The following SERTM1 variants were observed in gnomAD, a reference collection of about 807,000 sequenced individuals.
SERTM1 encodes the protein serine rich and transmembrane domain containing 1, also known as serine-rich and transmembrane domain-containing protein 1.
In SERTM1, 1 loss-of-function variant was observed where a neutral mutation model predicts 5.5. That is an observed-to-expected ratio of 0.18 (90% CI 0.06 to 0.86). The LOEUF is 0.86. Among genes scored for constraint, SERTM1 ranks in the 40% least tolerant of loss-of-function variants. The pLI is 0.69. For synonymous variants in SERTM1, 52 were observed against 55.1 expected (o/e 0.94, Z 0.25); for missense variants, 91 against 122.4 (o/e 0.74, Z 1.21).
chr13:36,677,215 AT>A (rs1192061499), intron 1 of SERTM1, among the ~76,000 whole-genome samples: 2 of 152,132 alleles, frequency 1.3e-5, no homozygotes, highest in Non-Finnish European at 2.9e-5. Context: ...AACTTTGGAA[AT>A]TTTTTTGGAA....
chr13:36,683,132 G>T (rs2056716767), intron 1 of SERTM1, among the ~76,000 whole-genome samples: 1 of 152,022 alleles, frequency 6.6e-6, no homozygotes, highest in Admixed American at 6.6e-5. Flanking sequence ...CCTCTCACCT[G>T]TTCCCATTTG....
chr13:36,679,828 G>A (rs562804300), intron 1 of SERTM1, among the ~76,000 whole-genome samples: 2 of 152,268 alleles, frequency 1.3e-5, no homozygotes, highest in South Asian at 2.1e-4. Context: ...TATAAATTCA[G>A]TCAGGAATTA....
intron 1 of SERTM1, among the ~76,000 whole-genome samples, chr13:36,676,954 G>T (rs921875042): frequency 5.3e-5 from 8 of 152,278 alleles, no homozygotes; most frequent in Admixed American, 3.3e-4. Context: ...AGATGAAGAT[G>T]CCCTTGGTAT....
intron 1 of SERTM1, among the ~76,000 whole-genome samples, chr13:36,680,134 G>T (rs2056694517): frequency 6.6e-6 from 1 of 152,076 alleles, no homozygotes; most frequent in Non-Finnish European, 1.5e-5. Context: ...AAGGGATAAG[G>T]GATACTCAAT....
rs1273025608 is a variant in SERTM1, at chr13:36,696,638, T to G, written c.*1236T>G. 6.0e-6 allele frequency: 1 copy of G among 166,812 alleles called. No homozygotes were observed. Among genetic ancestry groups the G allele is most frequent in the Admixed American group, 6.5e-5 (1 of 15,272 alleles). 10.3% of individuals were successfully genotyped at this position (166,812 alleles called of 1,614,324 possible). A position where few individuals can be genotyped will look rare whatever the true frequency, so the allele number is the denominator to read the frequency against. On this transcript the variant is annotated 3_prime_UTR_variant, in exon 2 of 2. Transcript: ENST00000315190. ...GGGTGGCAGGGGCTGTCTGTGAAAT[T>G]AGGCACACATGTGAGCTCAGACATG...
intron 1 of SERTM1, among the ~76,000 whole-genome samples, chr13:36,677,655 C>T (rs2056678642): frequency 6.6e-6 from 1 of 152,168 alleles, no homozygotes; most frequent in Admixed American, 6.5e-5. Context: ...AGTTAAAACA[C>T]TAATTAACTT....
chr13:36,676,622 A>G (rs931912332), intron 1 of SERTM1, among the ~76,000 whole-genome samples: 5 of 152,060 alleles, frequency 3.3e-5, no homozygotes, highest in Non-Finnish European at 5.9e-5. Context: ...GGCTCATGGT[A>G]CCCATAAGCC....
chr13:36,694,388 A>G (rs1448887442), intron 1 of SERTM1, among the ~76,000 whole-genome samples: 1 of 152,262 alleles, frequency 6.6e-6, no homozygotes, highest in Non-Finnish European at 1.5e-5. Flanking sequence ...TAGAAATGGC[A>G]CCTGATTTCA....
chr13:36,694,998 A>T lies in SERTM1; in HGVS notation c.-81A>T. On this transcript the variant is annotated 5_prime_UTR_variant, in exon 2 of 2. Coordinates refer to ENST00000315190, the MANE Select transcript of SERTM1 (RefSeq NM_203451.3). The stretch of plus-strand genomic sequence containing the variant: ...TGAATTCTGCAAACACGATCGTGAA[A>T]AAATGCCAATCTGTCCTGTGTAAGC... 1 of 1,026,324 alleles carries T rather than the reference A, an allele frequency of 9.7e-7. No individual in the cohort carries two copies. Among genetic ancestry groups the T allele is most frequent in the Non-Finnish European group, 1.5e-6 (1 of 686,850 alleles). The allele number at this position is 1,026,324 out of a possible 1,614,324, so 63.6% of individuals were successfully genotyped here. A position where few individuals can be genotyped will look rare whatever the true frequency, so the allele number is the denominator to read the frequency against.
At position 36,695,457 on chromosome 13, in the gene SERTM1, G is replaced by A; in HGVS notation, c.*55G>A. On this transcript the variant is annotated 3_prime_UTR_variant, in exon 2 of 2. Transcript: ENST00000315190. Reference sequence around the variant, plus strand: ...GCAGTTTTGACATCCCCTTACGGAAGTGTCCCGTGAGGCATTGCCTCATGA... The same window carrying A: ...GCAGTTTTGACATCCCCTTACGGAAATGTCCCGTGAGGCATTGCCTCATGA... 5.2e-6 allele frequency: 7 copies of A among 1,346,788 alleles called. No individual in the cohort carries two copies. In the South Asian group the frequency reaches 9.0e-5, roughly 17 times the overall value. 83.4% of individuals were successfully genotyped at this position (1,346,788 alleles called of 1,614,324 possible). A position where few individuals can be genotyped will look rare whatever the true frequency, so the allele number is the denominator to read the frequency against.
At chr13:36,688,359 C>T (rs955320552) in intron 1 of SERTM1, among the ~76,000 whole-genome samples, 1 of 152,006 alleles carries the variant, frequency 6.6e-6, no homozygotes, top group African/African-American at 2.4e-5. Context: ...ACTACAGGCA[C>T]ACGCCATCAT....
chr13:36,686,992 T>C (rs2056745676), intron 1 of SERTM1, among the ~76,000 whole-genome samples: 2 of 152,224 alleles, frequency 1.3e-5, no homozygotes, highest in Admixed American at 6.5e-5. Context: ...GCCATTTTAC[T>C]CTTGAAAGCA....
chr13:36,685,944 C>T (rs779952323), intron 1 of SERTM1, among the ~76,000 whole-genome samples: 37 of 152,148 alleles, frequency 2.4e-4, no homozygotes, highest in Non-Finnish European at 4.6e-4. Context: ...CTCATTGGTC[C>T]TCATTAGAAA....
At position 36,697,304 on chromosome 13, in the gene SERTM1, CACACAT is replaced by C. The variant is rs1593405379; in HGVS notation, c.*1904_*1909del. ...ACATATATATACGCACACACACACA[CACACAT>C]AAATATATATATATATATATATATA... is the stretch of plus-strand genomic sequence containing the variant. On this transcript the variant is annotated 3_prime_UTR_variant, in exon 2 of 2. Transcript: ENST00000315190. 6.7e-6 allele frequency: 1 copy of C among 150,138 alleles called. No individual in the cohort carries two copies. Among genetic ancestry groups the C allele is most frequent in the Non-Finnish European group, 1.5e-5 (1 of 65,638 alleles). 9.3% of individuals were successfully genotyped at this position (150,138 alleles called of 1,614,324 possible). A position where few individuals can be genotyped will look rare whatever the true frequency, so the allele number is the denominator to read the frequency against.
At chr13:36,688,778 T>C (rs2056758722) in intron 1 of SERTM1, among the ~76,000 whole-genome samples, 5 of 152,224 alleles carry the variant, frequency 3.3e-5, no homozygotes. Context: ...ATCTTACTTA[T>C]GATCTTCAAG....
At chr13:36,688,141 C>T (rs933740738) in intron 1 of SERTM1, among the ~76,000 whole-genome samples, 1 of 151,762 alleles carries the variant, frequency 6.6e-6, no homozygotes, top group African/African-American at 2.4e-5. Flanking sequence ...CAAAATGAGA[C>T]ACAAAAGAAA....
In SERTM1 at chr13:36,680,545, G is replaced by A. The variant is rs560500105; in HGVS notation, c.-174+6361G>A. Among the ~76,000 whole-genome samples, 19 of 152,322 alleles carry A rather than the reference G, an allele frequency of 1.2e-4. 1 individual carries two copies. In the East Asian group the frequency reaches 3.7e-3, roughly 29 times the overall value. On this transcript the variant is annotated intron_variant, in intron 1 of 1. Coordinates refer to ENST00000315190, the MANE Select transcript of SERTM1 (RefSeq NM_203451.3). ...TTTGTGGTCTCTTTCACTAGCTGGA[G>A]TTCCTACTACATATCCTTTTTCAAA...
At chr13:36,676,421 G>A (rs981512185) in intron 1 of SERTM1, among the ~76,000 whole-genome samples, 5 of 151,218 alleles carry the variant, frequency 3.3e-5, no homozygotes, top group African/African-American at 1.2e-4. Context: ...TCCTTTTTTT[G>A]TTTAAAGTTT....
intron 1 of SERTM1, among the ~76,000 whole-genome samples, chr13:36,680,710 T>A (rs1007320576): frequency 5.3e-5 from 8 of 152,204 alleles, no homozygotes; most frequent in Admixed American, 6.5e-5. Flanking sequence ...GTGTGGTTTT[T>A]AGTTTTCAAT....
Sources: gnomAD v4.1 joint callset for allele counts (sites outside exome capture counted in the v4.1 genomes callset) on GRCh38, gnomAD v4.1.1 for gene constraint, MANE v1.5 for transcripts, NCBI Gene and HGNC (gene_info 2026-07-23, HGNC 2026-07-21) for gene names.